The following PTPN9 variants were observed in gnomAD, a reference collection of about 807,000 sequenced individuals.
PTPN9 encodes protein tyrosine phosphatase non-receptor type 9.
In PTPN9, 26 loss-of-function variants were observed where a neutral mutation model predicts 69.8. The observed-to-expected ratio is 0.37, with a 90% confidence interval of 0.27 to 0.52. The LOEUF (loss-of-function observed/expected upper bound fraction) is 0.52. PTPN9 is among the 20% of genes least tolerant of loss of function. The probability of loss-of-function intolerance (pLI) is 0.91; values close to 1 mark genes in which losing one functional copy is unlikely to be tolerated. For synonymous variants in PTPN9, 274 were observed against 272.5 expected (o/e 1.01, Z -0.05); for missense variants, 549 against 740.3 (o/e 0.74, Z 3.00).
At chr15:75,537,422 G>A (rs1251941981) in intron 1 of PTPN9, among the ~76,000 whole-genome samples, 3 of 87,106 alleles carry the variant, frequency 3.4e-5, no homozygotes, top group African/African-American at 4.8e-5. Context: ...AAAAACAAGA[G>A]GAATCGTCAA....
At chr15:75,507,384 T>C (rs2074824904) in intron 6 of PTPN9, among the ~76,000 whole-genome samples, 1 of 146,526 alleles carries the variant, frequency 6.8e-6, no homozygotes, top group African/African-American at 2.5e-5. Context: ...GGACGGAGGT[T>C]GCAGTGAGCC....
rs1026163727 is a variant in PTPN9, at chr15:75,480,674, G to A, written c.1063-760C>T. 1.1e-5 allele frequency: 14 copies of A among 1,255,462 alleles called. No homozygotes were observed. The African/African-American group carries it at 1.1e-4, about 10-fold the overall frequency. The allele number at this position is 1,255,462 out of a possible 1,614,324, so 77.8% of individuals were successfully genotyped here. On this transcript the variant is annotated intron_variant, in intron 8 of 12. Transcript: ENST00000618819. ...CCAGCTGCAGATATGAAGCGGAGCC[G>A]CTGCCGCGACCGACCGCAGCCACCG...
rs780198245 is a variant in PTPN9, at chr15:75,468,932, G to A, written c.1619C>T (p.Thr540Ile). The A allele has an allele frequency of 3.7e-6, 6 of 1,614,034 alleles. No homozygotes were observed. Among genetic ancestry groups the A allele is most frequent in the East Asian group, 2.2e-5 (1 of 44,894 alleles). ...TGACACCGTCTGGAACACATTAAGG[G>A]TGCCAAGCTCCTCCAGCTGTGCCAG... ...ICLAQLEELG[T>I]LNVFQTVSRM... The change falls in exon 13 of 13, where the codon ACC (threonine) becomes ATC (isoleucine). Residue 540 changes from threonine (T) to isoleucine (I), a missense_variant. This residue lies in a region of PTPN9 where 457 missense variants were observed against 661.9 expected (regional missense o/e 0.69). Coordinates refer to ENST00000618819, the MANE Select transcript of PTPN9 (RefSeq NM_002833.4).
At chr15:75,502,448 A>C (rs2074778406) in intron 7 of PTPN9, among the ~76,000 whole-genome samples, 1 of 151,982 alleles carries the variant, frequency 6.6e-6, no homozygotes, top group Non-Finnish European at 1.5e-5. Context: ...ACTCCATCTC[A>C]GAAAGAAAAA....
intron 1 of PTPN9, among the ~76,000 whole-genome samples, chr15:75,560,649 A>C (rs538296546): frequency 6.6e-6 from 1 of 152,298 alleles, no homozygotes; most frequent in South Asian, 2.1e-4. Context: ...AAAGAGGAGG[A>C]TTGCTTGAGC....
chr15:75,564,841 C>T (rs1010864604), intron 1 of PTPN9, among the ~76,000 whole-genome samples: 1 of 151,796 alleles, frequency 6.6e-6, no homozygotes, highest in African/African-American at 2.4e-5. Context: ...CGGTGGCTCA[C>T]GACTGTAATC....
chr15:75,480,379 T>G (rs1160049158), intron 8 of PTPN9, among the ~76,000 whole-genome samples: 1 of 151,794 alleles, frequency 6.6e-6, no homozygotes. Context: ...CCGAGGAGGG[T>G]GGATCACGAG....
chr15:75,478,303 C>G (rs1257886978), intron 9 of PTPN9, among the ~76,000 whole-genome samples: 1 of 152,136 alleles, frequency 6.6e-6, no homozygotes, highest in Admixed American at 6.5e-5. Flanking sequence ...CGTGGTTTCT[C>G]CATGTTGGTC....
intron 10 of PTPN9, among the ~76,000 whole-genome samples, chr15:75,472,091 C>T (rs2074569902): frequency 6.6e-6 from 1 of 152,074 alleles, no homozygotes; most frequent in South Asian, 2.1e-4. Context: ...TCATTTTTTT[C>T]CTTCCTCATC....
intron 8 of PTPN9, among the ~76,000 whole-genome samples, chr15:75,489,131 C>T (rs555410934): frequency 1.5e-4 from 21 of 139,528 alleles, no homozygotes; most frequent in Non-Finnish European, 1.4e-4. Flanking sequence ...GCCAATATTG[C>T]GCCACTGCAC....
At chr15:75,577,278 TCTGA>T (rs1383744978) in intron 1 of PTPN9, among the ~76,000 whole-genome samples, 1 of 152,186 alleles carries the variant, frequency 6.6e-6, no homozygotes, top group African/African-American at 2.4e-5. Flanking sequence ...AAAACAGAAA[TCTGA>T]CTGACCCAAG....
chr15:75,538,344 T>C (rs1156556350), intron 1 of PTPN9, among the ~76,000 whole-genome samples: 1 of 152,164 alleles, frequency 6.6e-6, no homozygotes, highest in Non-Finnish European at 1.5e-5. Context: ...TATGTAACAT[T>C]GCACTGAAGG....
At chr15:75,477,711 C>T (rs1320039392) in intron 9 of PTPN9, among the ~76,000 whole-genome samples, 30 of 151,976 alleles carry the variant, frequency 2.0e-4, no homozygotes, top group Admixed American at 2.0e-3. Flanking sequence ...AGAACATTAC[C>T]ATTATCACCT....
At chr15:75,531,660 G>A (rs2074964766) in intron 1 of PTPN9, among the ~76,000 whole-genome samples, 1 of 151,702 alleles carries the variant, frequency 6.6e-6, no homozygotes, top group Admixed American at 6.6e-5. Flanking sequence ...TTGGCTCCTG[G>A]CAAGCTCCAC....
chr15:75,564,085 T>C (rs1309844584), intron 1 of PTPN9, among the ~76,000 whole-genome samples: 2 of 151,872 alleles, frequency 1.3e-5, no homozygotes, highest in African/African-American at 2.4e-5. Context: ...ATGTCTTTTT[T>C]TTTTTTTAAT....
intron 1 of PTPN9, among the ~76,000 whole-genome samples, chr15:75,536,778 G>T (rs1156650116): frequency 6.6e-6 from 1 of 152,056 alleles, no homozygotes; most frequent in African/African-American, 2.4e-5. Flanking sequence ...TGATGAGTTT[G>T]GTTCCCCTCT....
intron 7 of PTPN9, among the ~76,000 whole-genome samples, chr15:75,503,991 C>T (rs1407363103): frequency 1.1e-4 from 14 of 123,460 alleles, no homozygotes; most frequent in Non-Finnish European, 2.4e-4. Context: ...AGTGAGGAGC[C>T]CCTCTGCCGG....
At chr15:75,556,559 G>C (rs1192861073) in intron 1 of PTPN9, among the ~76,000 whole-genome samples, 1 of 151,536 alleles carries the variant, frequency 6.6e-6, no homozygotes, top group East Asian at 1.9e-4. Context: ...GTATTTTTTT[G>C]TAGAGACAGA....
chr15:75,517,787 T>A lies in PTPN9; in HGVS notation c.423-423A>T, dbSNP rs138578594. 2.1e-4 allele frequency among the ~76,000 whole-genome samples: 32 copies of A among 152,328 alleles called. No homozygotes were observed. In the East Asian group the frequency reaches 6.0e-3, roughly 28 times the overall value. On this transcript the variant is annotated intron_variant, in intron 4 of 12. Coordinates refer to ENST00000618819, the MANE Select transcript of PTPN9 (RefSeq NM_002833.4). ...AAGCCCCATAAATCTTTCTGTGGAT[T>A]TTTCTTGTGGCCTTAATAAACTCTG...
Sources: gnomAD v4.1 joint callset for allele counts (sites outside exome capture counted in the v4.1 genomes callset) on GRCh38, gnomAD v4.1.1 for gene constraint, gnomAD v4.1.1 regional missense constraint, MANE v1.5 for transcripts, NCBI Gene and HGNC (gene_info 2026-07-23, HGNC 2026-07-21) for gene names.